Variants in CCT5 observed in about 807,000 individuals in gnomAD.
CCT5 encodes the protein T-complex protein 1 subunit epsilon.
CCT5 carries 6 observed loss-of-function variants against 55.0 expected under a neutral mutation model. The ratio of observed to expected loss-of-function variants is 0.11; its 90% CI spans 0.06 to 0.22. CCT5 has a LOEUF of 0.22. CCT5 is among the 10% of genes least tolerant of loss of function. The pLI, the probability that CCT5 is intolerant of heterozygous loss-of-function variation, is 1.00. For missense variants in CCT5, 560 were observed against 694.6 expected, an observed-to-expected ratio of 0.81 and a Z score of 2.18; for synonymous variants, 231 against 243.7, an observed-to-expected ratio of 0.95 and a Z score of 0.49.
At chr5:10,262,766 C>A (rs1037824895) in intron 9 of CCT5, 148 bp downstream of exon 9, 1 of 853,820 alleles carries the variant, frequency 1.2e-6, no homozygotes, top group Non-Finnish European at 1.9e-6. Flanking sequence ...TTAATTCCCA[C>A]GTTCCTGTAT....
At chr5:10,250,901 C>G in intron 1 of CCT5, 1 of 1,022,166 alleles carries the variant, frequency 9.8e-7, no homozygotes, top group Non-Finnish European at 1.2e-6. Flanking sequence ...AAGGTGTGGT[C>G]ACTTAACAGG....
intron 3 of CCT5, among the ~76,000 whole-genome samples, chr5:10,255,603 C>T (rs80186146): frequency 5.0e-4 from 76 of 151,550 alleles, no homozygotes; most frequent in Middle Eastern, 3.4e-3. Context: ...ATAATAAACA[C>T]GTTTTAGTCT....
chr5:10,260,685 G>T (rs1367461879), intron 6 of CCT5, 107 bp from the exon 7 acceptor site: 6 of 1,177,938 alleles, frequency 5.1e-6, no homozygotes, highest in Non-Finnish European at 7.6e-6. Context: ...TTTTGTGTTT[G>T]AGTGCACCTG....
chr5:10,263,146 G>T lies in CCT5; in HGVS notation c.1330G>T (p.Glu444Ter). Residue 444 changes from glutamate (E) to a stop codon, truncating the protein, a stop_gained, in exon 10 of 11, where the codon GAA (glutamate) becomes TAA (stop). Coordinates refer to ENST00000280326, the MANE Select transcript of CCT5 (RefSeq NM_012073.5). LOFTEE classifies it high-confidence loss of function. ...TGTACCTTTCCAGTGCCCCACCTTAGAACAGTATGCCATGAGAGCGTTTGC... is the reference window on the plus strand; with the variant it reads ...TGTACCTTTCCAGTGCCCCACCTTATAACAGTATGCCATGAGAGCGTTTGC... Reference protein sequence around the residue: ...SQEADKCPTLEQYAMRAFADA... With the variant: ...SQEADKCPTL 2 of 1,614,166 alleles carry T rather than the reference G, an allele frequency of 1.2e-6. No homozygotes were observed. The highest frequency in any genetic ancestry group is 2.2e-5 in the South Asian group (2 of 91,080).
chr5:10,256,250 T>TTTGCCATTTCTTAAAGGCAACACAA, intron 4 of CCT5, 97 bp downstream of exon 4: 1 of 1,061,826 alleles, frequency 9.4e-7, no homozygotes, highest in Non-Finnish European at 1.4e-6. Flanking sequence ...GGTGGATTTG[T>TTTGCCATTTCTTAAAGGCAACACAA]ATCGATTTGA....
Position 10,250,641 on chromosome 5 carries a change from A to T in CCT5, c.105+196A>T, listed in dbSNP as rs1388540271. 3 of 1,424,016 alleles carry T rather than the reference A, an allele frequency of 2.1e-6. No homozygotes were observed. The Admixed American group carries it at 8.6e-5, about 41-fold the overall frequency. 88.2% of individuals were successfully genotyped at this position (1,424,016 alleles called of 1,614,324 possible). ...CGCCGGCGCCTAATCCTGGGCTCGG[A>T]ATGTGGGGGCCAGCCAGGCTGGGCC... On this transcript the variant is annotated intron_variant, in intron 1 of 10. Coordinates refer to ENST00000280326, the MANE Select transcript of CCT5 (RefSeq NM_012073.5).
chr5:10,256,850 TG>T (rs1415268761), intron 4 of CCT5, among the ~76,000 whole-genome samples: 4 of 152,192 alleles, frequency 2.6e-5, no homozygotes, highest in African/African-American at 9.7e-5. Flanking sequence ...AAGAGAGTCT[TG>T]AAAGCGACTT....
rs914121249 is a variant in CCT5 at position 10,265,867 on chromosome 5, G to C, written c.*1084G>C. ...AAGCTCATGATGAACTTTATCACTA[G>C]TTATGCCACCTTAACTAGTCAGATT... On this transcript the variant is annotated 3_prime_UTR_variant, in exon 11 of 11. Transcript: ENST00000280326. 6.6e-6 allele frequency: 1 copy of C among 152,100 alleles called. No homozygotes were observed. Among genetic ancestry groups the C allele is most frequent in the African/African-American group, 2.4e-5 (1 of 41,414 alleles). 9.4% of individuals were successfully genotyped at this position (152,100 alleles called of 1,614,324 possible). A position where few individuals can be genotyped will look rare whatever the true frequency, so the allele number is the denominator to read the frequency against.
intron 1 of CCT5, among the ~76,000 whole-genome samples, chr5:10,252,952 C>T (rs570787164): frequency 6.6e-6 from 1 of 151,902 alleles, no homozygotes; most frequent in East Asian, 1.9e-4. Context: ...AATTCTATTA[C>T]TCAATTTGGT....
chr5:10,263,027 C>G (rs1290451485), intron 9 of CCT5, 107 bp from the exon 10 acceptor site: 4 of 916,670 alleles, frequency 4.4e-6, no homozygotes, highest in Non-Finnish European at 5.4e-6. Context: ...TCTTACAATT[C>G]TTTGTGAGCT....
Position 10,264,798 on chromosome 5 carries a change from CTA to C in CCT5, c.*17_*18del, listed in dbSNP as rs1226362788. On this transcript the variant is annotated 3_prime_UTR_variant, in exon 11 of 11. Transcript: ENST00000280326. Reference sequence around the variant, plus strand: ...CTGAAGAATGAAGACATTGAGAAAACTATGTAGCAAGATCCACTTCTGTGATT... The same window carrying C: ...CTGAAGAATGAAGACATTGAGAAAACTGTAGCAAGATCCACTTCTGTGATT... 15 of 1,611,258 alleles carry C rather than the reference CTA, an allele frequency of 9.3e-6. No individual in the cohort carries two copies. The highest frequency in any genetic ancestry group is 1.6e-4 in the Middle Eastern group (1 of 6,074).
intron 3 of CCT5, 59 bp from the exon 4 acceptor site, chr5:10,255,896 A>G (rs563342886): frequency 8.9e-6 from 13 of 1,454,084 alleles, no homozygotes; most frequent in East Asian, 2.3e-5. Flanking sequence ...TGTGCTGATT[A>G]TACTAAAAGT....
chr5:10,250,946 T>TGAGGAAAAATAGC, intron 1 of CCT5: 1 of 858,094 alleles, frequency 1.2e-6, no homozygotes, highest in South Asian at 4.8e-5. Flanking sequence ...TGCCCACCCT[T>TGAGGAAAAATAGC]GAGGAAAAAT....
upstream of CCT5, chr5:10,250,093 T>C (rs1745287449): frequency 6.5e-7 from 1 of 1,536,564 alleles, no homozygotes; most frequent in Non-Finnish European, 8.7e-7. Flanking sequence ...GACTTGTGTG[T>C]CCTAAGATTT....
intron 4 of CCT5, among the ~76,000 whole-genome samples, chr5:10,257,530 T>C (rs1278331086): frequency 1.3e-5 from 2 of 152,222 alleles, no homozygotes; most frequent in Non-Finnish European, 2.9e-5. Flanking sequence ...TTTCCCTAGT[T>C]GTTTTTCTTG....
chr5:10,264,524 G>A, intron 10 of CCT5, 132 bp from the exon 11 acceptor site: 1 of 720,694 alleles, frequency 1.4e-6, no homozygotes, highest in Non-Finnish European at 2.5e-6. Context: ...ACTGAAATTA[G>A]TGGCTTCCTG....
rs530863497 is a variant in CCT5 at position 10,262,292 on chromosome 5, C to T, written c.1180-189C>T. The T allele has an allele frequency of 9.3e-4, 595 of 641,242 alleles. 1 individual carries two copies. The highest frequency in any genetic ancestry group is 4.1e-3 in the South Asian group (232 of 56,918). The allele number at this position is 641,242 out of a possible 1,614,324, so 39.7% of individuals were successfully genotyped here. On this transcript the variant is annotated intron_variant, in intron 8 of 10. Transcript: ENST00000280326. ...GTGTATCCTAGAATGAGTCACTGGC[C>T]GCCTCTGCCTCTTGAATTTTGTTAA... is the stretch of plus-strand genomic sequence containing the variant.
intron 8 of CCT5, 168 bp downstream of exon 8, chr5:10,261,913 T>A (rs886572164): frequency 1.4e-6 from 1 of 703,992 alleles, no homozygotes; most frequent in African/African-American, 1.8e-5. Flanking sequence ...GTTAAATTGT[T>A]AATTTCACAA....
chr5:10,256,175 G>C (rs1284256460), intron 4 of CCT5, 22 bp downstream of exon 4: 1 of 1,602,698 alleles, frequency 6.2e-7, no homozygotes, highest in East Asian at 2.2e-5. Flanking sequence ...TAGATGATAT[G>C]ATTACCCATT....
Sources: allele counts gnomAD v4.1 joint callset (sites outside exome capture counted in the v4.1 genomes callset), GRCh38; gene constraint gnomAD v4.1.1; transcripts MANE v1.5; gene names NCBI Gene and HGNC (gene_info 2026-07-23, HGNC 2026-07-21).